Variants in PRPF18 observed in about 807,000 individuals in gnomAD.
PRPF18 encodes the protein pre-mRNA processing factor 18.
In PRPF18, 38 loss-of-function variants were observed where a neutral mutation model predicts 46.5. The observed-to-expected ratio is 0.82, with a 90% CI of 0.63 to 1.07. The LOEUF is 1.07. PRPF18 is among the 50% of genes least tolerant of loss of function. PRPF18 has a pLI of 0.00. For synonymous variants in PRPF18, 152 were observed against 146.7 expected (o/e 1.04, Z -0.26); for missense variants, 263 against 410.0 (o/e 0.64, Z 3.10).
At chr10:13,613,310 C>T (rs1446939922) in intron 6 of PRPF18, among the ~76,000 whole-genome samples, 1 of 152,154 alleles carries the variant, frequency 6.6e-6, no homozygotes, top group South Asian at 2.1e-4. Context: ...TTTCTCCTTC[C>T]TCTCCTTTAG....
chr10:13,597,599 T>A, intron 2 of PRPF18, 64 bp downstream of exon 2: 1 of 1,600,814 alleles, frequency 6.2e-7, no homozygotes, highest in Non-Finnish European at 8.5e-7. Context: ...CAGCTGTTGT[T>A]AAATGACAAT....
chr10:13,590,454 T>A (rs3003535), intron 1 of PRPF18, among the ~76,000 whole-genome samples: 48,445 of 119,498 alleles, frequency 0.41, 8,785 homozygotes, highest in East Asian at 0.63. Flanking sequence ...AAAAAAAAAA[T>A]ATATATATAT....
At chr10:13,591,751 TG>T in intron 1 of PRPF18, 1 of 1,277,562 alleles carries the variant, frequency 7.8e-7, no homozygotes, top group Non-Finnish European at 1.1e-6. Flanking sequence ...GACAGATTTC[TG>T]GTGTTTTCTT....
In PRPF18 at chr10:13,597,477, A is replaced by G; in HGVS notation, c.86A>G (p.Lys29Arg). Residue 29 changes from lysine to arginine, a missense_variant, in exon 2 of 10, where the codon AAG becomes AGG. Transcript: ENST00000378572. ...TAATAGGAAAATAAAAAATATTTCA[A>G]GCGTAGTGAGCTCGCCAAAAAAGAA... ...NLLVENKKYF[K>R]RSELAKKEEE... 6.2e-7 allele frequency: 1 copy of G among 1,605,192 alleles called. No individual in the cohort carries two copies. The highest frequency in any genetic ancestry group is 8.5e-7 in the Non-Finnish European group (1 of 1,176,166).
intron 4 of PRPF18, among the ~76,000 whole-genome samples, chr10:13,606,000 C>G (rs545925032): frequency 6.6e-6 from 1 of 152,114 alleles, no homozygotes; most frequent in African/African-American, 2.4e-5. Flanking sequence ...AAAGAAATTT[C>G]CCTGAGAGCA....
At position 13,616,277 on chromosome 10, in the gene PRPF18, T is replaced by C. The variant is rs992107367; in HGVS notation, c.793-121T>C. The C allele has an allele frequency of 5.0e-6, 5 of 1,005,940 alleles. No homozygotes were observed. The African/African-American group carries it at 6.5e-5, about 13-fold the overall frequency. 62.3% of individuals were successfully genotyped at this position (1,005,940 alleles called of 1,614,324 possible). On this transcript the variant is annotated intron_variant, in intron 8 of 9. Transcript: ENST00000378572. ...TTGAATAACAGTCATGGTAATATTT[T>C]CCATGTGCCCAAAAGGTGGACGAAA...
chr10:13,596,706 A>T (rs1407747666), intron 1 of PRPF18, among the ~76,000 whole-genome samples: 1 of 152,184 alleles, frequency 6.6e-6, no homozygotes, highest in Non-Finnish European at 1.5e-5. Context: ...TTAGCCACAG[A>T]CAAGATTTAG....
At chr10:13,647,427 G>A in the PRPF18 span, 1 of 152,222 alleles carries the variant, frequency 6.6e-6, no homozygotes, top group Non-Finnish European at 1.5e-5. Flanking sequence ...ATTCTCAGAT[G>A]CAGCCAAAGC....
intron 3 of PRPF18, among the ~76,000 whole-genome samples, chr10:13,601,973 ATGAGTT>A (rs1341464928): frequency 6.6e-6 from 1 of 152,202 alleles, no homozygotes; most frequent in Non-Finnish European, 1.5e-5. Context: ...TGATATTCGT[ATGAGTT>A]TATCAATAGG....
In PRPF18 at chr10:13,604,389, C is replaced by A. The variant is rs531639215; in HGVS notation, c.250-1242C>A. On this transcript the variant is annotated intron_variant, in intron 3 of 9. Transcript: ENST00000378572. ...ATAGCATGTATATAAAGTGTATGAA[C>A]CATGTTAGGGCAATATATGTTTGTT... Among the ~76,000 whole-genome samples, 316 of 152,178 alleles carry A rather than the reference C, an allele frequency of 2.1e-3. 1 individual carries two copies. The highest frequency in any genetic ancestry group is 0.016 in the South Asian group (79 of 4,810).
At chr10:13,633,972 A>G (rs550038203), downstream of PRPF18, among the ~76,000 whole-genome samples, 1 of 152,250 alleles carries the variant, frequency 6.6e-6, no homozygotes, top group South Asian at 2.1e-4. Context: ...CTGAACTATA[A>G]CCACACGCTA....
intron 9 of PRPF18, among the ~76,000 whole-genome samples, chr10:13,624,811 C>T (rs182010466): frequency 2.2e-4 from 33 of 152,276 alleles, no homozygotes; most frequent in Admixed American, 1.1e-3. Context: ...CAGCTTGCTG[C>T]CCTGTCATCT....
the PRPF18 span, among the ~76,000 whole-genome samples, chr10:13,637,604 C>T: frequency 3.3e-5 from 5 of 152,166 alleles, no homozygotes; most frequent in Admixed American, 3.3e-4. Flanking sequence ...ATAAGCCTCC[C>T]ACTTGGTGGC....
chr10:13,621,107 T>G (rs1327733258), intron 9 of PRPF18, among the ~76,000 whole-genome samples: 1 of 152,226 alleles, frequency 6.6e-6, no homozygotes, highest in East Asian at 1.9e-4. Context: ...CAGATAGCTC[T>G]TGAAAAAGTT....
intron 1 of PRPF18, among the ~76,000 whole-genome samples, chr10:13,593,208 G>A (rs2079989200): frequency 6.6e-6 from 1 of 152,074 alleles, no homozygotes; most frequent in African/African-American, 2.4e-5. Flanking sequence ...CTAATACATT[G>A]GAAAATCTAA....
intron 9 of PRPF18, among the ~76,000 whole-genome samples, chr10:13,627,135 C>T (rs1487279923): frequency 6.6e-5 from 10 of 152,156 alleles, no homozygotes; most frequent in Admixed American, 6.5e-4. Context: ...CAGGGGCTTC[C>T]TAGTTCACAG....
the PRPF18 span, chr10:13,640,810 C>G: frequency 6.6e-6 from 1 of 152,644 alleles, no homozygotes; most frequent in Non-Finnish European, 1.5e-5. Context: ...CTCCCATGCT[C>G]TGACATGATA....
Position 13,627,230 on chromosome 10 carries a change from G to A in PRPF18, c.949-3030G>A, listed in dbSNP as rs565814187. Reference sequence around the variant, plus strand: ...TATTTTCTCCAAAGCACTTAGCATCGTTGAAAATTTTTTTTTATGAATTTA... The same window carrying A: ...TATTTTCTCCAAAGCACTTAGCATCATTGAAAATTTTTTTTTATGAATTTA... On this transcript the variant is annotated intron_variant, in intron 9 of 9. Transcript: ENST00000378572. 1.3e-4 allele frequency among the ~76,000 whole-genome samples: 20 copies of A among 152,108 alleles called. No homozygotes were observed. The South Asian group carries it at 3.1e-3, about 24-fold the overall frequency.
rs2079929790 is a variant in PRPF18, at chr10:13,589,784, TA to T, written c.66+2635del. Among the ~76,000 whole-genome samples the T allele has an allele frequency of 2.6e-5, 4 of 152,334 alleles. No individual in the cohort carries two copies. The South Asian group carries it at 8.3e-4, about 32-fold the overall frequency. Reference sequence around the variant, plus strand: ...AAGTAAGTTAGAGTTCTTAGCTTGGTAAATGGCAAATTTCATGATCATTGAA... The same window carrying T: ...AAGTAAGTTAGAGTTCTTAGCTTGGTAATGGCAAATTTCATGATCATTGAA... On this transcript the variant is annotated intron_variant, in intron 1 of 9. Transcript: ENST00000378572.
Sources: allele counts gnomAD v4.1 joint callset (sites outside exome capture counted in the v4.1 genomes callset), GRCh38; gene constraint gnomAD v4.1.1; transcripts MANE v1.5; gene names NCBI Gene and HGNC (gene_info 2026-07-23, HGNC 2026-07-21).